The following NTRK2 variants were observed in gnomAD, a reference collection of about 807,000 sequenced individuals.
NTRK2 encodes the protein BDNF/NT-3 growth factors receptor.
In NTRK2, 13 loss-of-function variants were observed where a neutral mutation model predicts 94.5. That is an observed-to-expected ratio of 0.14 (90% CI 0.09 to 0.22). The LOEUF is 0.22. Ranked by LOEUF, NTRK2 falls within the 10% of genes least tolerant of loss-of-function variation. The probability of loss-of-function intolerance (pLI) is 1.00; values close to 1 mark genes in which losing one functional copy is unlikely to be tolerated. For synonymous variants in NTRK2, 372 were observed against 407.4 expected (o/e 0.91, Z 1.05); for missense variants, 639 against 1,071.2 (o/e 0.60, Z 5.63).
intron 9 of NTRK2, among the ~76,000 whole-genome samples, chr9:84,730,930 A>G (rs1564145711): frequency 6.6e-6 from 1 of 151,906 alleles, no homozygotes; most frequent in Admixed American, 6.6e-5. Context: ...TCTCACAAAT[A>G]TTTTTTATAA....
chr9:84,787,849 C>A (rs2068279587), intron 12 of NTRK2, among the ~76,000 whole-genome samples: 1 of 152,084 alleles, frequency 6.6e-6, no homozygotes. Context: ...ATCTAACTTA[C>A]CAGTGAAGAG....
intron 12 of NTRK2, among the ~76,000 whole-genome samples, chr9:84,817,463 T>A (rs2072499744): frequency 6.6e-6 from 1 of 152,254 alleles, no homozygotes; most frequent in South Asian, 2.1e-4. Flanking sequence ...TAAGAGGATC[T>A]GATTTATTTG....
chr9:84,875,106 T>TCTTGTGGATATATGG lies in NTRK2; in HGVS notation c.1633+7677_1633+7678insTGTGGATATATGGCT, dbSNP rs2076015017. On this transcript the variant is annotated intron_variant, in intron 14 of 18. Coordinates refer to ENST00000277120, the MANE Select transcript of NTRK2 (RefSeq NM_006180.6). ...CTGATATCGTTTGGATATATGGCTT[T>TCTTGTGGATATATGG]CTAGTCTTGTGGATATCCTTTTAAT... is the stretch of plus-strand genomic sequence containing the variant. 1.3e-5 allele frequency: 14 copies of TCTTGTGGATATATGG among 1,060,546 alleles called. No homozygotes were observed. The South Asian group carries it at 5.9e-4, about 45-fold the overall frequency. The allele number at this position is 1,060,546 out of a possible 1,614,324, so 65.7% of individuals were successfully genotyped here.
At chr9:84,852,165 C>A (rs1285720119) in intron 12 of NTRK2, among the ~76,000 whole-genome samples, 2 of 152,184 alleles carry the variant, frequency 1.3e-5, no homozygotes, top group Non-Finnish European at 2.9e-5. Context: ...CCAGACTCTG[C>A]GGACTTGTTA....
chr9:84,734,910 G>T (rs1423788892), intron 9 of NTRK2, among the ~76,000 whole-genome samples: 1 of 152,010 alleles, frequency 6.6e-6, no homozygotes, highest in Admixed American at 6.6e-5. Context: ...TCAGAGGGTG[G>T]GTCAGTCTTA....
At chr9:84,870,126 T>TATATATATAC (rs774255186) in intron 14 of NTRK2, among the ~76,000 whole-genome samples, 1 of 95,628 alleles carries the variant, frequency 1.0e-5, no homozygotes, top group African/African-American at 4.2e-5. Flanking sequence ...TATATATATA[T>TATATATATAC]ACACACACAC....
intron 17 of NTRK2, among the ~76,000 whole-genome samples, chr9:85,007,163 A>G (rs778109908): frequency 8.5e-5 from 13 of 152,252 alleles, no homozygotes; most frequent in Non-Finnish European, 1.6e-4. Context: ...AAAGGGATTT[A>G]CCATTATGAT....
rs937673485 is a variant in NTRK2, at chr9:84,789,914, T to C, written c.1396+37829T>C. Among the ~76,000 whole-genome samples, 6 of 152,314 alleles carry C rather than the reference T, an allele frequency of 3.9e-5. No homozygotes were observed. The East Asian group carries it at 1.2e-3, about 29-fold the overall frequency. On this transcript the variant is annotated intron_variant, in intron 12 of 18. Coordinates refer to ENST00000277120, the MANE Select transcript of NTRK2 (RefSeq NM_006180.6). ...GGCAATGTAGTGGATGTAGGGGATA[T>C]GACATTCTATTCCTCCTGGGCAATA...
At chr9:84,874,477 C>T (rs977099864) in intron 14 of NTRK2, 1 of 1,065,822 alleles carries the variant, frequency 9.4e-7, no homozygotes, top group African/African-American at 1.6e-5. Context: ...GCCAGGTCTC[C>T]TTCCTGGGGA....
chr9:84,984,268 T>C (rs751085221), intron 17 of NTRK2, among the ~76,000 whole-genome samples: 4 of 151,584 alleles, frequency 2.6e-5, no homozygotes, highest in Non-Finnish European at 5.9e-5. Context: ...AGGTCAGGAG[T>C]TCGAGGGCAG....
chr9:84,878,397 A>T (rs2132179205), intron 14 of NTRK2, among the ~76,000 whole-genome samples: 1 of 152,126 alleles, frequency 6.6e-6, no homozygotes, highest in South Asian at 2.1e-4. Flanking sequence ...GCACTTTGGG[A>T]GGCTGAGGTG....
chr9:85,022,270 A>C lies in NTRK2; in HGVS notation c.*833A>C. The C allele has an allele frequency of 4.3e-6, 1 of 233,246 alleles. No homozygotes were observed. The highest frequency in any genetic ancestry group is 8.5e-6 in the Non-Finnish European group (1 of 118,024). The allele number at this position is 233,246 out of a possible 1,614,324, so 14.4% of individuals were successfully genotyped here. The stretch of plus-strand genomic sequence containing the variant: ...ACTACTGGCCTCTGTGCCATGGATG[A>C]TTCTTTTCCCATCACCAGAAATGAT... On this transcript the variant is annotated 3_prime_UTR_variant, in exon 19 of 19. Coordinates refer to ENST00000277120, the MANE Select transcript of NTRK2 (RefSeq NM_006180.6).
At chr9:84,718,827 G>A (rs2489162) in intron 6 of NTRK2, among the ~76,000 whole-genome samples, 90,166 of 152,026 alleles carry the variant, frequency 0.59, 26,960 homozygotes, top group East Asian at 0.71. Flanking sequence ...ATTAAACCTC[G>A]AGTGGTATTT....
intron 12 of NTRK2, among the ~76,000 whole-genome samples, chr9:84,856,178 G>A (rs2075053632): frequency 6.6e-6 from 1 of 152,166 alleles, no homozygotes; most frequent in Non-Finnish European, 1.5e-5. Flanking sequence ...TTTGATGAAG[G>A]ACAAGGGATG....
chr9:84,677,041 A>G (rs1333043058), intron 2 of NTRK2, among the ~76,000 whole-genome samples: 1 of 152,178 alleles, frequency 6.6e-6, no homozygotes, highest in African/African-American at 2.4e-5. Context: ...TGAGCTTCAG[A>G]GAAAAGCCTT....
intron 2 of NTRK2, among the ~76,000 whole-genome samples, chr9:84,673,594 T>A (rs1339802142): frequency 6.6e-6 from 1 of 152,194 alleles, no homozygotes; most frequent in Non-Finnish European, 1.5e-5. Context: ...TCTTTTAGCA[T>A]CTATATATTA....
intron 16 of NTRK2, among the ~76,000 whole-genome samples, chr9:84,954,391 G>A (rs948821716): frequency 2.0e-5 from 3 of 152,222 alleles, no homozygotes; most frequent in Non-Finnish European, 4.4e-5. Context: ...GCGTGTTAGG[G>A]TGCCCTAAGT....
intron 9 of NTRK2, among the ~76,000 whole-genome samples, chr9:84,733,525 C>T (rs939102424): frequency 6.6e-6 from 1 of 152,138 alleles, no homozygotes; most frequent in African/African-American, 2.4e-5. Flanking sequence ...GACCCTACCT[C>T]TTAGGAAGGT....
intron 14 of NTRK2, chr9:84,872,396 G>C: frequency 1.8e-6 from 2 of 1,088,708 alleles, no homozygotes; most frequent in Non-Finnish European, 2.2e-6. Flanking sequence ...TTCTCCCGTC[G>C]GAGCAAACAC....
Sources: gnomAD v4.1 joint callset for allele counts (sites outside exome capture counted in the v4.1 genomes callset) on GRCh38, gnomAD v4.1.1 for gene constraint, MANE v1.5 for transcripts, NCBI Gene and HGNC (gene_info 2026-07-23, HGNC 2026-07-21) for gene names.